ZDHHC15: variants seen among roughly 807,000 people sequenced by gnomAD.
ZDHHC15 encodes zDHHC palmitoyltransferase 15, also known as palmitoyltransferase ZDHHC15.
In ZDHHC15, 19 loss-of-function variants were observed where a neutral mutation model predicts 31.7. The observed-to-expected ratio is 0.60, with a 90% CI of 0.42 to 0.88. ZDHHC15 has a LOEUF of 0.88. Ranked by LOEUF, ZDHHC15 falls within the 40% of genes least tolerant of loss-of-function variation. The probability of loss-of-function intolerance (pLI) is 0.00; values close to 1 mark genes in which losing one functional copy is unlikely to be tolerated. For synonymous variants in ZDHHC15, 103 were observed against 90.0 expected (o/e 1.14, Z -0.82); for missense variants, 209 against 251.2 (o/e 0.83, Z 1.14).
At chrX:75,431,937 A>G (rs920328971) in intron 4 of ZDHHC15, among the ~76,000 whole-genome samples, 2 of 111,844 alleles carry the variant, frequency 1.8e-5, no homozygotes, top group Non-Finnish European at 3.8e-5. Context: ...CTCCTAAAAC[A>G]TGGTAAAGAG....
chrX:75,492,803 G>T (rs1488445634), intron 2 of ZDHHC15, among the ~76,000 whole-genome samples: 2 of 111,798 alleles, frequency 1.8e-5, no homozygotes, highest in African/African-American at 3.3e-5. Flanking sequence ...GAAATTTCTA[G>T]CACTAAATGC....
chrX:75,517,573 AC>A (rs1329552186), intron 1 of ZDHHC15, among the ~76,000 whole-genome samples: 1 of 68,947 alleles, frequency 1.5e-5, no homozygotes, highest in Non-Finnish European at 2.5e-5. Flanking sequence ...AACATCACAC[AC>A]GGGGGCCTGT....
At chrX:75,481,405 A>G (rs1381697614) in intron 2 of ZDHHC15, among the ~76,000 whole-genome samples, 1 of 111,842 alleles carries the variant, frequency 8.9e-6, no homozygotes. Flanking sequence ...TGAGATGGGA[A>G]GTGTGGGACT....
chrX:75,430,106 A>C, intron 5 of ZDHHC15, 126 bp from the exon 6 acceptor site: 1 of 682,820 alleles, frequency 1.5e-6, no homozygotes, highest in Non-Finnish European at 2.2e-6. Context: ...TCAGATTTCC[A>C]CTATAGTGAC....
chrX:75,411,413 C>G (rs778314801), intron 10 of ZDHHC15, among the ~76,000 whole-genome samples: 1 of 111,768 alleles, frequency 8.9e-6, no homozygotes, highest in African/African-American at 3.2e-5. Context: ...GGGGTTTCAC[C>G]CTGTTAACCA....
intron 10 of ZDHHC15, among the ~76,000 whole-genome samples, chrX:75,385,616 T>G (rs2083171249): frequency 9.0e-6 from 1 of 111,531 alleles, no homozygotes; most frequent in Non-Finnish European, 1.9e-5. Flanking sequence ...TCTATTCCCT[T>G]ACTGCCCAAA....
At chrX:75,491,025 G>A (rs59446128) in intron 2 of ZDHHC15, among the ~76,000 whole-genome samples, 10 of 111,755 alleles carry the variant, frequency 8.9e-5, no homozygotes, top group Middle Eastern at 4.2e-3. Flanking sequence ...TACACTGTTG[G>A]TGGGACTGTA....
At chrX:75,423,458 G>A (rs757523283) in intron 8 of ZDHHC15, among the ~76,000 whole-genome samples, 16 of 106,227 alleles carry the variant, frequency 1.5e-4, no homozygotes, top group South Asian at 4.4e-4. Context: ...TTGATTTTCT[G>A]TTCCTGAGTT....
At chrX:75,436,930 G>A (rs2083860003) in intron 4 of ZDHHC15, among the ~76,000 whole-genome samples, 1 of 112,307 alleles carries the variant, frequency 8.9e-6, no homozygotes, top group African/African-American at 3.2e-5. Flanking sequence ...CGCCCAGGCT[G>A]GAGTGCAGTG....
chrX:75,377,637 T>C (rs1008365079), intron 11 of ZDHHC15, among the ~76,000 whole-genome samples: 4 of 110,886 alleles, frequency 3.6e-5, no homozygotes, highest in Admixed American at 9.7e-5. Flanking sequence ...GGGAAGTATA[T>C]AAAAAATGCA....
chrX:75,490,084 A>T (rs777763912), intron 2 of ZDHHC15, among the ~76,000 whole-genome samples: 1 of 111,874 alleles, frequency 8.9e-6, no homozygotes, highest in East Asian at 2.8e-4. Flanking sequence ...GAAATATGGG[A>T]CTATGTGAAA....
At chrX:75,467,142 CAACTGGTTATTTTGTTTACTTAG>C (rs2084419660) in intron 3 of ZDHHC15, among the ~76,000 whole-genome samples, 2 of 112,411 alleles carry the variant, frequency 1.8e-5, no homozygotes, top group Non-Finnish European at 3.8e-5. Context: ...ATATGAAAAA[CAACTGGTTATTTTGTTTACTTAG>C]AAGAACAGTT....
At chrX:75,423,174 A>G (rs372443722) in intron 8 of ZDHHC15, among the ~76,000 whole-genome samples, 15 of 108,038 alleles carry the variant, frequency 1.4e-4, no homozygotes, top group African/African-American at 5.1e-4. Flanking sequence ...ATGCCACCAC[A>G]CCCAGCTAAT....
intron 3 of ZDHHC15, among the ~76,000 whole-genome samples, chrX:75,456,881 C>T (rs1345636525): frequency 9.0e-6 from 1 of 111,216 alleles, no homozygotes; most frequent in African/African-American, 3.3e-5. Flanking sequence ...CAAGTCCCAA[C>T]CACTTAAGTG....
At chrX:75,403,274 T>C (rs1230368602) in intron 10 of ZDHHC15, among the ~76,000 whole-genome samples, 1 of 111,554 alleles carries the variant, frequency 9.0e-6, no homozygotes, top group Non-Finnish European at 1.9e-5. Context: ...GCCAACATTA[T>C]ACTGAATGGG....
intron 1 of ZDHHC15, among the ~76,000 whole-genome samples, chrX:75,509,216 C>T (rs1030595791): frequency 2.7e-5 from 3 of 111,643 alleles, no homozygotes; most frequent in Non-Finnish European, 5.7e-5. Context: ...AAGAAACTAC[C>T]ATCAGAGTGA....
chrX:75,416,418 C>A (rs2083549267), intron 10 of ZDHHC15, among the ~76,000 whole-genome samples: 1 of 111,842 alleles, frequency 8.9e-6, no homozygotes, highest in African/African-American at 3.2e-5. Flanking sequence ...TTGGTATTAG[C>A]AACATAAGTA....
chrX:75,441,150 C>A (rs1428050669), intron 4 of ZDHHC15, among the ~76,000 whole-genome samples: 1 of 112,339 alleles, frequency 8.9e-6, no homozygotes, highest in East Asian at 2.8e-4. Flanking sequence ...CTGCCTGCCA[C>A]AGCTTCTGTG....
intron 3 of ZDHHC15, among the ~76,000 whole-genome samples, chrX:75,476,200 C>A (rs770623706): frequency 9.1e-6 from 1 of 109,562 alleles, no homozygotes; most frequent in African/African-American, 3.3e-5. Flanking sequence ...ATTTCAATGT[C>A]TTTTATTTGA....
Sources: allele counts gnomAD v4.1 joint callset (sites outside exome capture counted in the v4.1 genomes callset), GRCh38; gene constraint gnomAD v4.1.1; transcripts MANE v1.5; gene names NCBI Gene and HGNC (gene_info 2026-07-23, HGNC 2026-07-21).